The following LATS2 variants were observed in gnomAD, a reference collection of about 807,000 sequenced individuals.
The protein encoded by LATS2 is serine/threonine-protein kinase LATS2.
In LATS2, 24 loss-of-function variants were observed where a neutral mutation model predicts 76.0. The observed-to-expected ratio is 0.32, with a 90% CI of 0.23 to 0.44. The LOEUF is 0.44. Among genes scored for constraint, LATS2 ranks in the 20% least tolerant of loss-of-function variants. The pLI, the probability that LATS2 is intolerant of heterozygous loss-of-function variation, is 1.00. For synonymous variants in LATS2, 692 were observed against 635.4 expected (o/e 1.09, Z -1.34); for missense variants, 1,286 against 1,481.2 (o/e 0.87, Z 2.16).
At chr13:21,027,640 C>A (rs1200835918) in intron 2 of LATS2, among the ~76,000 whole-genome samples, 2 of 152,136 alleles carry the variant, frequency 1.3e-5, no homozygotes, top group African/African-American at 4.8e-5. Context: ...AGACTACCCA[C>A]AATAGTCTGG....
chr13:21,051,876 AAACCC>A (rs1218491835), intron 1 of LATS2, among the ~76,000 whole-genome samples: 1 of 152,154 alleles, frequency 6.6e-6, no homozygotes, highest in African/African-American at 2.4e-5. Context: ...AGAATCACTT[AAACCC>A]AGGAAGTAGA....
chr13:21,007,680 A>AGTGTG lies in LATS2; in HGVS notation c.343-16277_343-16276insCACAC, dbSNP rs1167947925. Among the ~76,000 whole-genome samples, 11 of 2,940 alleles carry AGTGTG rather than the reference A, an allele frequency of 3.7e-3. 2 individuals are homozygous for AGTGTG. Among genetic ancestry groups the AGTGTG allele is most frequent in the Admixed American group, 0.018 (2 of 112 alleles). The allele number at this position is 2,940 out of a possible 152,430, so 1.9% of individuals were successfully genotyped here. On this transcript the variant is annotated intron_variant, in intron 2 of 7. Coordinates refer to ENST00000382592, the MANE Select transcript of LATS2 (RefSeq NM_014572.3). ...ATATATATAGTGTGTATATATATATATAGTATATATATATATATAGTATGT... is the reference window on the plus strand; with the variant it reads ...ATATATATAGTGTGTATATATATATAGTGTGTAGTATATATATATATATAGTATGT...
At chr13:20,990,930 A>G (rs1165146742) in intron 3 of LATS2, among the ~76,000 whole-genome samples, 1 of 152,248 alleles carries the variant, frequency 6.6e-6, no homozygotes, top group Non-Finnish European at 1.5e-5. Context: ...GGCCCAAGAG[A>G]AAGTGAAAAG....
chr13:21,054,734 T>TGAACAGA (rs11283070), intron 1 of LATS2, among the ~76,000 whole-genome samples: 104,560 of 152,090 alleles, frequency 0.69, 37,461 homozygotes, highest in East Asian at 0.86. Context: ...GCCGTGTCCC[T>TGAACAGA]AGCCAGATCA....
In LATS2 at chr13:21,018,430, A is replaced by C. The variant is rs1871898722; in HGVS notation, c.343-27026T>G. 2.0e-5 allele frequency among the ~76,000 whole-genome samples: 3 copies of C among 152,216 alleles called. No individual in the cohort carries two copies. In the South Asian group the frequency reaches 6.2e-4, roughly 32 times the overall value. On this transcript the variant is annotated intron_variant, in intron 2 of 7. Coordinates refer to ENST00000382592, the MANE Select transcript of LATS2 (RefSeq NM_014572.3). The stretch of plus-strand genomic sequence containing the variant: ...CAAAATTCTGCCCTGGGGCAGATGA[A>C]AAGTACTGCATGAGGCAGCTAGAGT...
At chr13:20,994,675 G>T (rs111280593) in intron 2 of LATS2, among the ~76,000 whole-genome samples, 3,589 of 152,214 alleles carry the variant, frequency 0.024, 60 homozygotes, top group Middle Eastern at 0.037. Flanking sequence ...CAGGAAGACT[G>T]CTTGAGCCCG....
At chr13:20,994,160 A>C (rs544944084) in intron 2 of LATS2, among the ~76,000 whole-genome samples, 52 of 152,354 alleles carry the variant, frequency 3.4e-4, no homozygotes, top group South Asian at 1.0e-3. Context: ...CAGAAAAATC[A>C]GCAAGGAGAC....
In LATS2 at chr13:20,975,245, G is replaced by A. The variant is rs55869942; in HGVS notation, c.2892C>T (p.Ala964=). ...AGAAGGGGTGGGCCTTCAGGTCATC[G>A]GCCCCATTCCGCCCCAGGCGGTGGT... The part of the protein sequence containing the change: ...SADHRLGRNG[A]DDLKAHPFFS... Residue 964 remains alanine (A), a synonymous_variant, in exon 8 of 8, where the codon GCC becomes GCT. Transcript: ENST00000382592. 0.011 allele frequency: 18,135 copies of A among 1,614,106 alleles called. 1,809 individuals carry two copies. In the African/African-American group the frequency reaches 0.21, roughly 19 times the overall value.
chr13:20,991,226 A>G lies in LATS2; in HGVS notation c.475+46T>C. On this transcript the variant is annotated intron_variant, in intron 3 of 7. Transcript: ENST00000382592. The surrounding 1 kb of genome is among the most constrained non-coding windows in gnomAD (Gnocchi z 4.9). Reference sequence around the variant, plus strand: ...CTCTGCACGTGGTTTTGTTGTCCTTAAGCCACAAACCATCTTTGCCCACTA... The same window carrying G: ...CTCTGCACGTGGTTTTGTTGTCCTTGAGCCACAAACCATCTTTGCCCACTA... The G allele has an allele frequency of 6.2e-7, 1 of 1,611,712 alleles. No homozygotes were observed. The highest frequency in any genetic ancestry group is 8.5e-7 in the Non-Finnish European group (1 of 1,178,568).
intron 2 of LATS2, among the ~76,000 whole-genome samples, chr13:20,992,605 A>G (rs1870554316): frequency 6.6e-6 from 1 of 152,206 alleles, no homozygotes; most frequent in Non-Finnish European, 1.5e-5. Flanking sequence ...CAAAGGCCAC[A>G]AAAAGGGCTT....
At position 21,035,387 on chromosome 13, in the gene LATS2, T is replaced by C. The variant is rs1408273498; in HGVS notation, c.342+10298A>G. On this transcript the variant is annotated intron_variant, in intron 2 of 7. Transcript: ENST00000382592. Reference sequence around the variant, plus strand: ...TTCCCCTATTTACATCCTTGTTGGTTTTCTCTATTTACATCCACAAATGGT... The same window carrying C: ...TTCCCCTATTTACATCCTTGTTGGTCTTCTCTATTTACATCCACAAATGGT... 5.3e-5 allele frequency among the ~76,000 whole-genome samples: 8 copies of C among 152,316 alleles called. No homozygotes were observed. The South Asian group carries it at 1.4e-3, about 28-fold the overall frequency.
At chr13:21,040,598 G>A (rs17061752) in intron 2 of LATS2, among the ~76,000 whole-genome samples, 9,698 of 152,160 alleles carry the variant, frequency 0.064, 933 homozygotes, top group East Asian at 0.42. Flanking sequence ...GGGAAGAGCT[G>A]TCTGGGAGGC....
At chr13:21,058,416 C>A (rs1169880040) in intron 1 of LATS2, among the ~76,000 whole-genome samples, 2 of 152,220 alleles carry the variant, frequency 1.3e-5, no homozygotes, top group African/African-American at 4.8e-5. Context: ...CAGCTTCAAT[C>A]CCCACCCTAC....
intron 7 of LATS2, 100 bp from the exon 8 acceptor site, chr13:20,975,464 C>T (rs1869571803): frequency 7.9e-7 from 1 of 1,260,476 alleles, no homozygotes; most frequent in East Asian, 2.4e-5. Context: ...TTTAGTTTCA[C>T]AATAGGAGAG....
intron 1 of LATS2, among the ~76,000 whole-genome samples, chr13:21,057,916 C>T (rs540524663): frequency 5.6e-4 from 86 of 152,346 alleles, no homozygotes; most frequent in African/African-American, 1.9e-3. Flanking sequence ...TGCCCTCACA[C>T]TGGGGCCATC....
intron 2 of LATS2, among the ~76,000 whole-genome samples, chr13:21,028,770 A>G (rs1337731712): frequency 6.6e-6 from 1 of 152,086 alleles, no homozygotes; most frequent in East Asian, 1.9e-4. Flanking sequence ...GGATTTCACC[A>G]TGTTGGCCAG....
chr13:21,039,260 A>C (rs1565962723), intron 2 of LATS2, among the ~76,000 whole-genome samples: 1 of 152,302 alleles, frequency 6.6e-6, no homozygotes, highest in African/African-American at 2.4e-5. Context: ...TTCTCCTCTT[A>C]TTAATATTTC....
At chr13:21,037,516 GCA>G (rs969082256) in intron 2 of LATS2, among the ~76,000 whole-genome samples, 1 of 152,212 alleles carries the variant, frequency 6.6e-6, no homozygotes, top group Non-Finnish European at 1.5e-5. Context: ...TTGAGAGCTT[GCA>G]CAGTTCTGGG....
At chr13:21,007,617 ATATAGT>A (rs1871352722) in intron 2 of LATS2, among the ~76,000 whole-genome samples, 2 of 1,430 alleles carry the variant, frequency 1.4e-3, no homozygotes, top group African/African-American at 5.1e-3. Flanking sequence ...GTATATATAT[ATATAGT>A]GTATATATAT....
Sources: gnomAD v4.1 joint callset for allele counts (sites outside exome capture counted in the v4.1 genomes callset) on GRCh38, gnomAD v4.1.1 for gene constraint, Gnocchi (gnomAD v3.1) non-coding constraint, MANE v1.5 for transcripts, NCBI Gene and HGNC (gene_info 2026-07-23, HGNC 2026-07-21) for gene names.